The following MAGI1 variants were observed in gnomAD, a reference collection of about 807,000 sequenced individuals.
MAGI1 encodes membrane-associated guanylate kinase, WW and PDZ domain-containing protein 1.
In MAGI1, 58 loss-of-function variants were observed where a neutral mutation model predicts 139.9. The observed-to-expected ratio is 0.41, with a 90% CI of 0.34 to 0.52. The LOEUF (loss-of-function observed/expected upper bound fraction) is 0.52. MAGI1 is among the 20% of genes least tolerant of loss of function. MAGI1 has a pLI of 0.12. For synonymous variants in MAGI1, 812 were observed against 737.9 expected (o/e 1.10, Z -1.63); for missense variants, 1,874 against 1,901.6 (o/e 0.99, Z 0.27).
chr3:65,564,055 T>C (rs974490268), intron 2 of MAGI1, among the ~76,000 whole-genome samples: 2 of 152,130 alleles, frequency 1.3e-5, no homozygotes, highest in African/African-American at 2.4e-5. Context: ...GGGAACAAGA[T>C]GCATATCTCC....
At chr3:65,662,071 G>A (rs561019228) in intron 1 of MAGI1, among the ~76,000 whole-genome samples, 7 of 151,984 alleles carry the variant, frequency 4.6e-5, no homozygotes, top group African/African-American at 1.7e-4. Context: ...CTTTATTATT[G>A]CTGCCAAGAA....
At chr3:65,666,775 A>C (rs565214392) in intron 1 of MAGI1, among the ~76,000 whole-genome samples, 1 of 152,174 alleles carries the variant, frequency 6.6e-6, no homozygotes, top group African/African-American at 2.4e-5. Flanking sequence ...AAAATTCCTT[A>C]CCCTTATTTC....
At chr3:65,518,793 G>A (rs923556950) in intron 2 of MAGI1, among the ~76,000 whole-genome samples, 3 of 151,786 alleles carry the variant, frequency 2.0e-5, no homozygotes, top group African/African-American at 7.3e-5. Context: ...TAAATAAACC[G>A]AGTTTACGTC....
rs368268235 is a variant in MAGI1 at position 65,878,245 on chromosome 3, G to T, written c.313+159751C>A. On this transcript the variant is annotated intron_variant, in intron 1 of 22. Coordinates refer to ENST00000402939, the MANE Select transcript of MAGI1 (RefSeq NM_001033057.2). ...TAAGAATGCAGACTTGGCCGGGCAC[G>T]GTGGCTCACGCCTGTAATCCCATCA... Among the ~76,000 whole-genome samples the T allele has an allele frequency of 3.3e-5, 5 of 152,074 alleles. No homozygotes were observed. The East Asian group carries it at 5.8e-4, about 18-fold the overall frequency.
rs564015816 is a variant in MAGI1 at position 65,671,285 on chromosome 3, T to C, written c.314-49197A>G. On this transcript the variant is annotated intron_variant, in intron 1 of 22. Transcript: ENST00000402939. ...AGGTGTTTCTCAATCTTGGCACTAC[T>C]GGCATTTGGGGCTGGATAAATCTTT... Among the ~76,000 whole-genome samples, 9 of 152,298 alleles carry C rather than the reference T, an allele frequency of 5.9e-5. No homozygotes were observed. The South Asian group carries it at 8.3e-4, about 14-fold the overall frequency.
At chr3:65,489,818 G>T (rs1233559998) in intron 3 of MAGI1, among the ~76,000 whole-genome samples, 1 of 152,200 alleles carries the variant, frequency 6.6e-6, no homozygotes, top group Admixed American at 6.5e-5. Flanking sequence ...TACCTATATG[G>T]AAGAGGGGAA....
chr3:65,556,926 C>T (rs1390145919), intron 2 of MAGI1, among the ~76,000 whole-genome samples: 1 of 152,170 alleles, frequency 6.6e-6, no homozygotes, highest in African/African-American at 2.4e-5. Context: ...TCCGTACTGG[C>T]CTTCGTTCAC....
chr3:66,023,383 G>GA (rs144547667), intron 1 of MAGI1, among the ~76,000 whole-genome samples: 1,956 of 151,920 alleles, frequency 0.013, 45 homozygotes, highest in African/African-American at 0.04. Context: ...CTCCTTGATA[G>GA]AAAAAAAACT....
At chr3:65,771,887 T>A (rs1259144682) in intron 1 of MAGI1, among the ~76,000 whole-genome samples, 1 of 152,208 alleles carries the variant, frequency 6.6e-6, no homozygotes, top group Non-Finnish European at 1.5e-5. Context: ...GGTTTGACTA[T>A]TTTAAAAGAA....
intron 15 of MAGI1, 113 bp from the exon 16 acceptor site, chr3:65,382,182 C>T (rs542922638): frequency 3.4e-6 from 3 of 873,086 alleles, no homozygotes; most frequent in East Asian, 5.1e-5. Context: ...AGGCATGCCG[C>T]AAACATTTAT....
At chr3:65,458,003 T>G (rs1334143333) in intron 5 of MAGI1, among the ~76,000 whole-genome samples, 1 of 152,138 alleles carries the variant, frequency 6.6e-6, no homozygotes, top group East Asian at 1.9e-4. Context: ...CTCCATGGGT[T>G]CAATTGCTTT....
rs549525702 is a variant in MAGI1, at chr3:65,401,804, G to A, written c.2168-334C>T. Reference sequence around the variant, plus strand: ...TCAAATGCTCTTCTGGATTAAGAGAGACTTAACTTACAATTAAGTCCAGGT... The same window carrying A: ...TCAAATGCTCTTCTGGATTAAGAGAAACTTAACTTACAATTAAGTCCAGGT... On this transcript the variant is annotated intron_variant, in intron 12 of 22. Transcript: ENST00000402939. The A allele has an allele frequency of 4.5e-6, 6 of 1,324,700 alleles. No individual in the cohort carries two copies. The African/African-American group carries it at 5.9e-5, about 13-fold the overall frequency. 82.1% of individuals were successfully genotyped at this position (1,324,700 alleles called of 1,614,324 possible).
At chr3:65,568,560 C>CTGGATATCTAT (rs2080789490) in intron 2 of MAGI1, among the ~76,000 whole-genome samples, 1 of 152,154 alleles carries the variant, frequency 6.6e-6, no homozygotes, top group African/African-American at 2.4e-5. Context: ...ATTTCTATAG[C>CTGGATATCTAT]AGTGTACTGG....
At chr3:65,361,848 G>C (rs1482847741) in intron 21 of MAGI1, among the ~76,000 whole-genome samples, 1 of 152,294 alleles carries the variant, frequency 6.6e-6, no homozygotes, top group South Asian at 2.1e-4. Flanking sequence ...AATGAAATGA[G>C]GGACTGCCCT....
chr3:65,390,932 T>C lies in MAGI1; in HGVS notation c.2416+210A>G, dbSNP rs1461753509. On this transcript the variant is annotated intron_variant, in intron 14 of 22. Transcript: ENST00000402939. ...ACCCAGGGCATTTATGTGATAACCA[T>C]CCACTTCTACCCCCTCCCCAAAGTG... Among the ~76,000 whole-genome samples, 32 of 152,140 alleles carry C rather than the reference T, an allele frequency of 2.1e-4. 1 individual carries two copies. The highest frequency in any genetic ancestry group is 2.1e-3 in the Admixed American group (32 of 15,258).
rs552442521 is a variant in MAGI1, at chr3:65,804,003, T to C, written c.314-181915A>G. ...AAACCTTTAAGACAATCATGATAGA[T>C]TAACAAGAACCTAGCACAAACTGAG... On this transcript the variant is annotated intron_variant, in intron 1 of 22. Transcript: ENST00000402939. Among the ~76,000 whole-genome samples the C allele has an allele frequency of 2.0e-5, 3 of 152,274 alleles. No homozygotes were observed. In the East Asian group the frequency reaches 5.8e-4, roughly 29 times the overall value.
At chr3:65,957,595 A>C (rs568521596) in intron 1 of MAGI1, among the ~76,000 whole-genome samples, 4 of 152,116 alleles carry the variant, frequency 2.6e-5, no homozygotes, top group Middle Eastern at 6.8e-3. Flanking sequence ...ATCTCAATAC[A>C]ATGTTGAGGA....
At chr3:65,751,962 A>C (rs2036190084) in intron 1 of MAGI1, among the ~76,000 whole-genome samples, 1 of 152,072 alleles carries the variant, frequency 6.6e-6, no homozygotes, top group Non-Finnish European at 1.5e-5. Flanking sequence ...TGTTTTTTGG[A>C]AACGGGGTCT....
At chr3:65,493,325 T>C (rs374316111) in intron 3 of MAGI1, among the ~76,000 whole-genome samples, 187 bp downstream of exon 3, 47 of 152,290 alleles carry the variant, frequency 3.1e-4, no homozygotes, top group African/African-American at 1.1e-3. Context: ...CTAAAACTAT[T>C]TTTAAAGAAC....
Sources: gnomAD v4.1 joint callset for allele counts (sites outside exome capture counted in the v4.1 genomes callset) on GRCh38, gnomAD v4.1.1 for gene constraint, MANE v1.5 for transcripts, NCBI Gene and HGNC (gene_info 2026-07-23, HGNC 2026-07-21) for gene names.